RTN1: variants seen among roughly 807,000 people sequenced by gnomAD.
RTN1 encodes reticulon-1.
A neutral mutation model predicts 65.5 loss-of-function variants in RTN1; 25 were observed. The observed-to-expected ratio is 0.38, with a 90% CI of 0.28 to 0.53. The LOEUF is 0.53. Ranked by LOEUF, RTN1 falls within the 20% of genes least tolerant of loss-of-function variation. RTN1 has a pLI of 0.79. For synonymous variants in RTN1, 471 were observed against 447.6 expected, an observed-to-expected ratio of 1.05 and a Z score of -0.66; for missense variants, 983 against 1,025.4, an observed-to-expected ratio of 0.96 and a Z score of 0.57.
At chr14:59,622,845 C>A (rs184603486) in intron 3 of RTN1, among the ~76,000 whole-genome samples, 1 of 152,130 alleles carries the variant, frequency 6.6e-6, no homozygotes, top group African/African-American at 2.4e-5. Context: ...ACTGCTGGCA[C>A]GGACTTCTGC....
chr14:59,746,648 A>T (rs2139510230), intron 1 of RTN1, among the ~76,000 whole-genome samples, 167 bp from the exon 2 acceptor site: 1 of 152,042 alleles, frequency 6.6e-6, no homozygotes, highest in East Asian at 1.9e-4. Flanking sequence ...TAAATTTCCT[A>T]ATCTCCCCGA....
chr14:59,830,557 C>T (rs891232430), intron 1 of RTN1, among the ~76,000 whole-genome samples: 3 of 152,200 alleles, frequency 2.0e-5, no homozygotes, highest in African/African-American at 7.2e-5. Flanking sequence ...TGACTCCGAG[C>T]AAACAGTTTA....
chr14:59,838,971 C>T (rs1887263343), intron 1 of RTN1, among the ~76,000 whole-genome samples: 1 of 152,102 alleles, frequency 6.6e-6, no homozygotes, highest in Non-Finnish European at 1.5e-5. Context: ...GCCCTTTCTG[C>T]TGACTCTCCA....
intron 3 of RTN1, among the ~76,000 whole-genome samples, chr14:59,654,456 G>A (rs1312120666): frequency 2.7e-5 from 4 of 145,616 alleles, no homozygotes; most frequent in South Asian, 2.2e-4. Context: ...AAGGAGGAGG[G>A]AAAATATCCC....
At chr14:59,687,273 G>A (rs1459329090) in intron 3 of RTN1, among the ~76,000 whole-genome samples, 2 of 151,756 alleles carry the variant, frequency 1.3e-5, no homozygotes, top group Non-Finnish European at 2.9e-5. Context: ...CCAGCAGTCT[G>A]AGCCACCCCA....
intron 1 of RTN1, among the ~76,000 whole-genome samples, chr14:59,747,586 A>G (rs1036320347): frequency 6.6e-6 from 1 of 152,220 alleles, no homozygotes; most frequent in Non-Finnish European, 1.5e-5. Flanking sequence ...AGCCTGGGCA[A>G]CAAGAGCAAA....
intron 1 of RTN1, among the ~76,000 whole-genome samples, chr14:59,813,789 T>C (rs1415340536): frequency 6.6e-6 from 1 of 152,242 alleles, no homozygotes; most frequent in Non-Finnish European, 1.5e-5. Flanking sequence ...TATTACTTTT[T>C]TCTCTATTTC....
intron 1 of RTN1, among the ~76,000 whole-genome samples, chr14:59,756,281 A>G (rs1264506047): frequency 1.3e-5 from 2 of 152,210 alleles, no homozygotes; most frequent in Non-Finnish European, 2.9e-5. Flanking sequence ...TCTTTGAGAA[A>G]CAATCTTTTT....
intron 3 of RTN1, among the ~76,000 whole-genome samples, chr14:59,628,954 T>C (rs1450193174): frequency 2.0e-5 from 3 of 152,256 alleles, no homozygotes; most frequent in Non-Finnish European, 4.4e-5. Flanking sequence ...CCAGTGTTTA[T>C]GTCCAACTAA....
rs567511239 is a variant in RTN1, at chr14:59,738,652, T to C, written c.1015+7056A>G. On this transcript the variant is annotated intron_variant, in intron 2 of 8. Transcript: ENST00000267484. ...TTGACCCAGCAATCCCATTACTGGG[T>C]ATATACCCAAAGGAATAGGAATCAT... Among the ~76,000 whole-genome samples the C allele has an allele frequency of 1.1e-4, 17 of 152,312 alleles. No homozygotes were observed. In the East Asian group the frequency reaches 2.9e-3, roughly 26 times the overall value.
At chr14:59,666,601 T>G (rs1883379925) in intron 3 of RTN1, among the ~76,000 whole-genome samples, 1 of 151,854 alleles carries the variant, frequency 6.6e-6, no homozygotes, top group East Asian at 1.9e-4. Flanking sequence ...AGAGCACAGC[T>G]GAAAGAGATA....
chr14:59,723,692 C>T (rs1488870471), intron 3 of RTN1, among the ~76,000 whole-genome samples: 2 of 152,160 alleles, frequency 1.3e-5, no homozygotes, highest in African/African-American at 4.8e-5. Flanking sequence ...ATAAGAATCA[C>T]ATATGCACTT....
At chr14:59,806,042 C>A (rs1386370960) in intron 1 of RTN1, among the ~76,000 whole-genome samples, 1 of 151,882 alleles carries the variant, frequency 6.6e-6, no homozygotes, top group Non-Finnish European at 1.5e-5. Context: ...TAGAGACCAT[C>A]CTGGCCAACA....
intron 2 of RTN1, among the ~76,000 whole-genome samples, chr14:59,731,065 C>T (rs1479750625): frequency 6.6e-6 from 1 of 152,096 alleles, no homozygotes; most frequent in African/African-American, 2.4e-5. Flanking sequence ...ATGTTCATAA[C>T]AGCATTATTC....
At chr14:59,712,808 G>A (rs1392122314) in intron 3 of RTN1, among the ~76,000 whole-genome samples, 2 of 151,656 alleles carry the variant, frequency 1.3e-5, no homozygotes, top group Admixed American at 6.6e-5. Context: ...CTACTTGGGA[G>A]GCTAAGGCAG....
At position 59,743,970 on chromosome 14, in the gene RTN1, A is replaced by G. The variant is rs114244918; in HGVS notation, c.1015+1738T>C. 2.9e-3 allele frequency among the ~76,000 whole-genome samples: 444 copies of G among 152,256 alleles called. 1 individual carries two copies. The highest frequency in any genetic ancestry group is 0.01 in the African/African-American group (430 of 41,550). On this transcript the variant is annotated intron_variant, in intron 2 of 8. Coordinates refer to ENST00000267484, the MANE Select transcript of RTN1 (RefSeq NM_021136.3). Reference sequence around the variant, plus strand: ...TACCCAACCAAAAGAAAGTATGTAGAAAGTGTTTGTTGCGTGAATGAGTAA... The same window carrying G: ...TACCCAACCAAAAGAAAGTATGTAGGAAGTGTTTGTTGCGTGAATGAGTAA...
intron 3 of RTN1, among the ~76,000 whole-genome samples, chr14:59,613,686 T>G (rs544366891): frequency 6.6e-6 from 1 of 152,226 alleles, no homozygotes; most frequent in East Asian, 1.9e-4. Context: ...TCGACTGTAT[T>G]ATTTTTCTCC....
At chr14:59,777,258 A>G (rs971634616) in intron 1 of RTN1, among the ~76,000 whole-genome samples, 1 of 152,126 alleles carries the variant, frequency 6.6e-6, no homozygotes, top group African/African-American at 2.4e-5. Context: ...GTTTAGAAAC[A>G]TATTCTAAAA....
chr14:59,797,232 C>T (rs978685637), intron 1 of RTN1, among the ~76,000 whole-genome samples: 2 of 152,156 alleles, frequency 1.3e-5, no homozygotes, highest in Admixed American at 6.5e-5. Flanking sequence ...CACTGTACAC[C>T]ATTTTTGAGC....
Sources: allele counts gnomAD v4.1 joint callset (sites outside exome capture counted in the v4.1 genomes callset), GRCh38; gene constraint gnomAD v4.1.1; transcripts MANE v1.5; gene names NCBI Gene and HGNC (gene_info 2026-07-23, HGNC 2026-07-21).